STAG1: variants seen among roughly 807,000 people sequenced by gnomAD.
STAG1 encodes STAG1 cohesin complex component.
In STAG1, 26 loss-of-function variants were observed where a neutral mutation model predicts 170.9. The observed-to-expected ratio is 0.15, with a 90% confidence interval of 0.11 to 0.21. The LOEUF (loss-of-function observed/expected upper bound fraction) is 0.21, where lower values mean the gene tolerates loss of function less well. Among genes scored for constraint, STAG1 ranks in the 10% least tolerant of loss-of-function variants. STAG1 has a pLI of 1.00. For synonymous variants in STAG1, 514 were observed against 497.7 expected (o/e 1.03, Z -0.44); for missense variants, 964 against 1,509.5 (o/e 0.64, Z 5.99).
At chr3:136,502,903 T>A in intron 7 of STAG1, 124 bp from the exon 8 acceptor site, 3 of 708,620 alleles carry the variant, frequency 4.2e-6, no homozygotes, top group Non-Finnish European at 6.1e-6. Flanking sequence ...AACCCAGGCA[T>A]AATTTAAGTT....
At chr3:136,423,873 T>A (rs2088033156) in intron 16 of STAG1, among the ~76,000 whole-genome samples, 1 of 152,012 alleles carries the variant, frequency 6.6e-6, no homozygotes, top group Admixed American at 6.6e-5. Context: ...TTTATTTTTT[T>A]TTATTTTTGA....
intron 22 of STAG1, among the ~76,000 whole-genome samples, chr3:136,388,420 G>A (rs1028438608): frequency 6.6e-6 from 1 of 152,206 alleles, no homozygotes; most frequent in African/African-American, 2.4e-5. Flanking sequence ...CCAGGCTGGA[G>A]TGCAGTGGTG....
At chr3:136,693,522 T>C (rs1286146475) in intron 1 of STAG1, among the ~76,000 whole-genome samples, 1 of 152,206 alleles carries the variant, frequency 6.6e-6, no homozygotes, top group Non-Finnish European at 1.5e-5. Context: ...GTGGGATGGC[T>C]GTTTACATTA....
intron 1 of STAG1, among the ~76,000 whole-genome samples, chr3:136,686,188 T>C (rs1247647490): frequency 6.6e-6 from 1 of 152,240 alleles, no homozygotes; most frequent in Admixed American, 6.5e-5. Flanking sequence ...GTTTTTCCCC[T>C]ACCTGGTGCC....
chr3:136,702,657 A>AT (rs1424321752), intron 1 of STAG1, among the ~76,000 whole-genome samples: 1 of 152,192 alleles, frequency 6.6e-6, no homozygotes, highest in Non-Finnish European at 1.5e-5. Context: ...AAGTGCTGGA[A>AT]TTACAGGAGT....
intron 1 of STAG1, among the ~76,000 whole-genome samples, chr3:136,662,764 A>G (rs1366629347): frequency 6.6e-6 from 1 of 152,176 alleles, no homozygotes; most frequent in East Asian, 1.9e-4. Context: ...TTTAAAAATA[A>G]AATCAGCTGG....
At chr3:136,405,229 C>T (rs1181395489) in intron 21 of STAG1, among the ~76,000 whole-genome samples, 12 of 118,508 alleles carry the variant, frequency 1.0e-4, no homozygotes, top group Non-Finnish European at 2.0e-4. Flanking sequence ...ATGAAAAAAC[C>T]TCTTTTTTTT....
At chr3:136,585,961 A>G (rs1937795965) in intron 4 of STAG1, among the ~76,000 whole-genome samples, 1 of 152,220 alleles carries the variant, frequency 6.6e-6, no homozygotes, top group Admixed American at 6.5e-5. Context: ...ATTTATTGAG[A>G]AAGAATTTTT....
intron 11 of STAG1, among the ~76,000 whole-genome samples, chr3:136,472,802 G>C (rs2089659336): frequency 6.6e-6 from 1 of 152,096 alleles, no homozygotes; most frequent in Admixed American, 6.6e-5. Flanking sequence ...TTCTTCCAAA[G>C]GTAATAAATA....
At chr3:136,439,912 C>T (rs2088581148) in intron 15 of STAG1, among the ~76,000 whole-genome samples, 1 of 152,128 alleles carries the variant, frequency 6.6e-6, no homozygotes, top group Non-Finnish European at 1.5e-5. Context: ...CCAAGCCAAG[C>T]CAAACCAACC....
intron 22 of STAG1, among the ~76,000 whole-genome samples, chr3:136,389,990 C>T (rs1394992216): frequency 6.6e-6 from 1 of 151,698 alleles, no homozygotes; most frequent in African/African-American, 2.4e-5. Context: ...CGCCACCACG[C>T]CCAACTAATT....
chr3:136,369,805 T>A (rs538133315), intron 23 of STAG1, among the ~76,000 whole-genome samples: 1 of 152,298 alleles, frequency 6.6e-6, no homozygotes, highest in African/African-American at 2.4e-5. Flanking sequence ...CCGTCAATAA[T>A]GAACTGCATA....
rs1367328485 is a variant in STAG1, at chr3:136,464,823, A to C, written c.1313+58T>G. On this transcript the variant is annotated intron_variant, in intron 13 of 33. Transcript: ENST00000383202. ...CTATTACTCTCTTCTACAAACTCTA[A>C]AACAACAAGAAAACAACATAGAAAA... is the stretch of plus-strand genomic sequence containing the variant. The C allele has an allele frequency of 2.8e-6, 4 of 1,441,538 alleles. No individual in the cohort carries two copies. In the African/African-American group the frequency reaches 5.6e-5, roughly 20 times the overall value. 89.3% of individuals were successfully genotyped at this position (1,441,538 alleles called of 1,614,324 possible).
intron 2 of STAG1, among the ~76,000 whole-genome samples, chr3:136,630,509 T>C (rs1349181616): frequency 7.9e-5 from 12 of 152,308 alleles, no homozygotes; most frequent in Non-Finnish European, 1.8e-4. Context: ...TCACAACTTG[T>C]AATACAAAGT....
At chr3:136,606,619 G>A (rs906250784) in intron 3 of STAG1, among the ~76,000 whole-genome samples, 2 of 152,082 alleles carry the variant, frequency 1.3e-5, no homozygotes, top group Non-Finnish European at 2.9e-5. Flanking sequence ...CCTGGTTTTT[G>A]ATGACCATAG....
rs948031792 is a variant in STAG1, at chr3:136,752,244, A to T, written c.-133T>A. 6.6e-6 allele frequency: 1 copy of T among 152,482 alleles called. No homozygotes were observed. The highest frequency in any genetic ancestry group is 2.4e-5 in the African/African-American group (1 of 41,260). 9.4% of individuals were successfully genotyped at this position (152,482 alleles called of 1,614,324 possible). ...CGACCATCGACCTAGTTTCCCCCCA[A>T]AAGTCTCCGGTGTGTTATTCCCGAT... On this transcript the variant is annotated 5_prime_UTR_variant, in exon 1 of 34. The change creates a new upstream start codon in the 5' untranslated region. Transcript: ENST00000383202.
intron 9 of STAG1, among the ~76,000 whole-genome samples, chr3:136,498,249 T>TATACATAC (rs1441799306): frequency 2.3e-4 from 17 of 73,674 alleles, no homozygotes; most frequent in African/African-American, 8.9e-4. Flanking sequence ...TACATATACA[T>TATACATAC]ACACACACAC....
intron 14 of STAG1, among the ~76,000 whole-genome samples, chr3:136,447,839 G>A (rs2088828934): frequency 2.0e-5 from 3 of 151,866 alleles, no homozygotes; most frequent in East Asian, 1.9e-4. Context: ...GGATGGTCTC[G>A]ATCTCCTGAC....
intron 29 of STAG1, among the ~76,000 whole-genome samples, chr3:136,346,715 T>A (rs1310887065): frequency 6.6e-6 from 1 of 152,246 alleles, no homozygotes; most frequent in African/African-American, 2.4e-5. Flanking sequence ...TATAAATATG[T>A]CAAATAAATG....
Sources: allele counts gnomAD v4.1 joint callset (sites outside exome capture counted in the v4.1 genomes callset), GRCh38; gene constraint gnomAD v4.1.1; transcripts MANE v1.5; gene names NCBI Gene and HGNC (gene_info 2026-07-23, HGNC 2026-07-21).